The following SLIT3 variants were observed in gnomAD, a reference collection of about 807,000 sequenced individuals.
The protein encoded by SLIT3 is slit guidance ligand 3, also known as slit homolog 3 protein.
Under a neutral mutation model 184.0 loss-of-function variants are expected in SLIT3, and 68 were observed. The ratio of observed to expected loss-of-function variants is 0.37; its 90% confidence interval spans 0.30 to 0.45. The LOEUF (loss-of-function observed/expected upper bound fraction) is 0.45. Ranked by LOEUF, SLIT3 falls within the 20% of genes least tolerant of loss-of-function variation. The pLI, the probability that SLIT3 is intolerant of heterozygous loss-of-function variation, is 1.00. For synonymous variants in SLIT3, 831 were observed against 828.6 expected (o/e 1.00, Z -0.05); for missense variants, 1,707 against 2,026.0 (o/e 0.84, Z 3.02).
chr5:169,084,454 A>ATTTTTTTTTTT (rs56062027), intron 4 of SLIT3, among the ~76,000 whole-genome samples: 12 of 101,410 alleles, frequency 1.2e-4, no homozygotes, highest in South Asian at 3.3e-4. Context: ...CCATGCCCAG[A>ATTTTTTTTTTT]TTTTTTTTTT....
chr5:168,906,455 C>T (rs1159798293), intron 4 of SLIT3, among the ~76,000 whole-genome samples: 5 of 152,000 alleles, frequency 3.3e-5, no homozygotes, highest in African/African-American at 1.2e-4. Flanking sequence ...ATTTAGAGCT[C>T]AGAGAACGAA....
chr5:169,137,563 C>A (rs894019052), intron 4 of SLIT3, among the ~76,000 whole-genome samples: 1 of 152,046 alleles, frequency 6.6e-6, no homozygotes, highest in Non-Finnish European at 1.5e-5. Flanking sequence ...TTTTTCCTGG[C>A]TTACGTCCCT....
rs1251629433 is a variant in SLIT3 at position 169,050,911 on chromosome 5, T to C, written c.413+142568A>G. ...GTTGGCACTATTTATGTTTCGCATT[T>C]AGATTCAGCAGCCTTCCAGCGCTCT... On this transcript the variant is annotated intron_variant, in intron 4 of 35. Transcript: ENST00000519560. Among the ~76,000 whole-genome samples the C allele has an allele frequency of 3.3e-5, 5 of 152,252 alleles. No individual in the cohort carries two copies. In the East Asian group the frequency reaches 9.6e-4, roughly 29 times the overall value.
intron 4 of SLIT3, among the ~76,000 whole-genome samples, chr5:168,966,103 T>A (rs536754163): frequency 4.2e-4 from 64 of 152,284 alleles, no homozygotes; most frequent in African/African-American, 1.5e-3. Context: ...CGGGAAAAAA[T>A]AGGCAACATA....
intron 30 of SLIT3, among the ~76,000 whole-genome samples, chr5:168,686,653 G>A (rs761693296): frequency 4.6e-5 from 7 of 152,218 alleles, no homozygotes; most frequent in Non-Finnish European, 8.8e-5. Flanking sequence ...CTTGCAAGCT[G>A]GGCTTCAAGA....
At chr5:168,809,468 G>A (rs1053878616) in intron 8 of SLIT3, among the ~76,000 whole-genome samples, 1 of 152,134 alleles carries the variant, frequency 6.6e-6, no homozygotes, top group Admixed American at 6.5e-5. Context: ...CTGTTTAAAC[G>A]AAACACTTCT....
At chr5:168,811,175 G>A (rs1757145542) in intron 8 of SLIT3, among the ~76,000 whole-genome samples, 1 of 152,118 alleles carries the variant, frequency 6.6e-6, no homozygotes, top group African/African-American at 2.4e-5. Flanking sequence ...GAGAGGAGGG[G>A]ACTTGCCCAA....
At chr5:169,067,877 C>T (rs1308209464) in intron 4 of SLIT3, among the ~76,000 whole-genome samples, 1 of 152,208 alleles carries the variant, frequency 6.6e-6, no homozygotes, top group African/African-American at 2.4e-5. Flanking sequence ...AGGCCAGCGG[C>T]TGCTAACGCT....
intron 3 of SLIT3, among the ~76,000 whole-genome samples, chr5:169,194,768 C>A (rs1003149488): frequency 1.3e-5 from 2 of 152,108 alleles, no homozygotes; most frequent in Non-Finnish European, 2.9e-5. Flanking sequence ...TGTTGGCCAA[C>A]GGAGCCAGTT....
intron 4 of SLIT3, among the ~76,000 whole-genome samples, chr5:168,938,683 T>A (rs1221269137): frequency 6.6e-6 from 1 of 152,188 alleles, no homozygotes; most frequent in Non-Finnish European, 1.5e-5. Context: ...CAGGCTGGAG[T>A]GCAGTGGCCT....
chr5:168,706,137 C>T (rs577229631), intron 26 of SLIT3, among the ~76,000 whole-genome samples: 79 of 152,290 alleles, frequency 5.2e-4, no homozygotes, highest in Non-Finnish European at 8.7e-4. Context: ...TACTGATGGC[C>T]TATTCCACAC....
chr5:168,806,731 G>GTGTCTCCCAGGTGAA, intron 8 of SLIT3, 144 bp from the exon 9 acceptor site: 4 of 887,534 alleles, frequency 4.5e-6, no homozygotes, highest in Non-Finnish European at 6.9e-6. Flanking sequence ...CCCTTCACCT[G>GTGTCTCCCAGGTGAA]GGAGACACAG....
At position 169,300,317 on chromosome 5, in the gene SLIT3, G is replaced by C. The variant is rs1016483114; in HGVS notation, c.197+196C>G. Among the ~76,000 whole-genome samples, 1 of 152,214 alleles carries C rather than the reference G, an allele frequency of 6.6e-6. No homozygotes were observed. Among genetic ancestry groups the C allele is most frequent in the Admixed American group, 6.5e-5 (1 of 15,290 alleles). On this transcript the variant is annotated intron_variant, in intron 1 of 35. Transcript: ENST00000519560. The surrounding 1 kb of genome is among the most constrained non-coding windows in gnomAD (Gnocchi z 4.1). ...CACTGCTCTTTGCCCATCGCTGGGG[G>C]TTTCGAGACCTCTCTTTCCAGATCT...
chr5:169,297,462 G>T (rs1028547394), intron 1 of SLIT3, among the ~76,000 whole-genome samples: 5 of 152,126 alleles, frequency 3.3e-5, no homozygotes, highest in Non-Finnish European at 5.9e-5. Flanking sequence ...AACATCCAGA[G>T]AAGCAATATA....
chr5:168,785,354 G>A (rs1756117318), intron 12 of SLIT3, among the ~76,000 whole-genome samples: 1 of 152,142 alleles, frequency 6.6e-6, no homozygotes, highest in Non-Finnish European at 1.5e-5. Flanking sequence ...AATAATCCCT[G>A]AGCTTAAAAT....
intron 20 of SLIT3, 33 bp downstream of exon 20, chr5:168,748,269 A>C: frequency 6.9e-7 from 1 of 1,443,990 alleles, no homozygotes; most frequent in South Asian, 1.6e-5. Context: ...TGGTGAGATG[A>C]CAGGGTGCTT....
chr5:169,140,792 A>T lies in SLIT3; in HGVS notation c.413+52687T>A, dbSNP rs142317345. On this transcript the variant is annotated intron_variant, in intron 4 of 35. Coordinates refer to ENST00000519560, the MANE Select transcript of SLIT3 (RefSeq NM_003062.4). ...TCCAATGTGGGTCACAGAGTGAGAG[A>T]CCCTCTCTCAAAAAAGAATAATGCA... Among the ~76,000 whole-genome samples, 6 of 152,106 alleles carry T rather than the reference A, an allele frequency of 3.9e-5. No homozygotes were observed. In the East Asian group the frequency reaches 1.2e-3, roughly 29 times the overall value.
chr5:169,230,490 A>G (rs1468701237), intron 3 of SLIT3, among the ~76,000 whole-genome samples: 2 of 152,216 alleles, frequency 1.3e-5, no homozygotes, highest in Admixed American at 6.5e-5. Flanking sequence ...ATGTAATCTA[A>G]TTATTTGTTT....
intron 4 of SLIT3, among the ~76,000 whole-genome samples, chr5:169,064,369 C>T (rs773393707): frequency 3.9e-5 from 6 of 152,164 alleles, no homozygotes; most frequent in Non-Finnish European, 5.9e-5. Context: ...AAAGCAATGG[C>T]GGTCACATTG....
Sources: allele counts gnomAD v4.1 joint callset (sites outside exome capture counted in the v4.1 genomes callset), GRCh38; gene constraint gnomAD v4.1.1; non-coding constraint Gnocchi (gnomAD v3.1); transcripts MANE v1.5; gene names NCBI Gene and HGNC (gene_info 2026-07-23, HGNC 2026-07-21).